The following PRORP variants were observed in gnomAD, a reference collection of about 807,000 sequenced individuals.
PRORP encodes protein only RNase P catalytic subunit.
Under a neutral mutation model 59.4 loss-of-function variants are expected in PRORP, and 51 were observed. The observed-to-expected ratio is 0.86, with a 90% CI of 0.69 to 1.08. The LOEUF (loss-of-function observed/expected upper bound fraction) is 1.08. Ranked by LOEUF, PRORP falls within the 50% of genes least tolerant of loss-of-function variation. The pLI is 0.00. For synonymous variants in PRORP, 231 were observed against 245.6 expected (o/e 0.94, Z 0.55); for missense variants, 646 against 690.3 (o/e 0.94, Z 0.72).
intron 4 of PRORP, among the ~76,000 whole-genome samples, chr14:35,180,358 CAT>C (rs2048572509): frequency 6.6e-6 from 1 of 152,190 alleles, no homozygotes; most frequent in African/African-American, 2.4e-5. Flanking sequence ...TCATAACTAT[CAT>C]GTGGGTTAAT....
At chr14:35,173,758 G>A (rs941320445) in intron 4 of PRORP, among the ~76,000 whole-genome samples, 5 of 151,978 alleles carry the variant, frequency 3.3e-5, no homozygotes, top group African/African-American at 9.6e-5. Flanking sequence ...TTAAAAAAAC[G>A]CAATCATTTA....
Position 35,273,296 on chromosome 14 carries a change from G to A in PRORP, c.1621-139G>A, listed in dbSNP as rs956134761. 4 of 791,330 alleles carry A rather than the reference G, an allele frequency of 5.1e-6. No individual in the cohort carries two copies. The Admixed American group carries it at 1.1e-4, about 22-fold the overall frequency. 49.0% of individuals were successfully genotyped at this position (791,330 alleles called of 1,614,324 possible). ...GCTCATCTTCACAGAGTTTGCTGCT[G>A]TTTGAAAATCCATTATTAAGTGAGA... is the stretch of plus-strand genomic sequence containing the variant. On this transcript the variant is annotated intron_variant, in intron 7 of 7. Coordinates refer to ENST00000534898, the MANE Select transcript of PRORP (RefSeq NM_014672.4).
At chr14:35,263,025 G>T (rs1327997603) in intron 5 of PRORP, 12 of 1,586,740 alleles carry the variant, frequency 7.6e-6, no homozygotes, top group Non-Finnish European at 9.4e-6. Context: ...TGTTCAGCCG[G>T]CTGATGAATA....
chr14:35,244,333 CATAAT>C (rs1266948610), intron 5 of PRORP, among the ~76,000 whole-genome samples: 3 of 152,086 alleles, frequency 2.0e-5, no homozygotes, highest in South Asian at 4.1e-4. Context: ...GTGTTACATA[CATAAT>C]ATGAGAGTTA....
chr14:35,186,911 T>A (rs188169251), intron 5 of PRORP, among the ~76,000 whole-genome samples: 1 of 152,294 alleles, frequency 6.6e-6, no homozygotes, highest in East Asian at 1.9e-4. Flanking sequence ...CTTTATGAAT[T>A]TACCTATTCC....
chr14:35,142,343 C>CTT (rs576082267), intron 4 of PRORP, among the ~76,000 whole-genome samples: 9 of 116,728 alleles, frequency 7.7e-5, no homozygotes, highest in South Asian at 2.9e-4. Flanking sequence ...AAATTCATTG[C>CTT]TTTTTTTTTT....
intron 5 of PRORP, among the ~76,000 whole-genome samples, chr14:35,232,731 G>A (rs1003182951): frequency 6.6e-6 from 1 of 151,968 alleles, no homozygotes; most frequent in African/African-American, 2.4e-5. Context: ...GGAGTGCAGT[G>A]GCATGATCTT....
At chr14:35,132,053 G>A (rs2047255458) in intron 4 of PRORP, among the ~76,000 whole-genome samples, 1 of 151,848 alleles carries the variant, frequency 6.6e-6, no homozygotes, top group African/African-American at 2.4e-5. Flanking sequence ...TGGCCAGGCT[G>A]GTCTCGAACT....
intron 4 of PRORP, among the ~76,000 whole-genome samples, chr14:35,168,544 A>G (rs2048240296): frequency 6.6e-6 from 1 of 151,960 alleles, no homozygotes; most frequent in African/African-American, 2.4e-5. Flanking sequence ...TTTAGTTGTC[A>G]TGTTTCTTTG....
chr14:35,236,569 ACT>A (rs1344849859), intron 5 of PRORP, among the ~76,000 whole-genome samples: 1 of 151,252 alleles, frequency 6.6e-6, no homozygotes, highest in Non-Finnish European at 1.5e-5. Context: ...AGTCTTTATC[ACT>A]CTTTTTCTGC....
intron 5 of PRORP, among the ~76,000 whole-genome samples, chr14:35,250,068 C>T (rs147512118): frequency 3.9e-4 from 59 of 151,830 alleles, no homozygotes; most frequent in Middle Eastern, 6.8e-3. Flanking sequence ...AACAACATGG[C>T]GAAACCCTGT....
At chr14:35,166,952 G>C (rs1457244556) in intron 4 of PRORP, among the ~76,000 whole-genome samples, 1 of 152,082 alleles carries the variant, frequency 6.6e-6, no homozygotes, top group Non-Finnish European at 1.5e-5. Context: ...GACTCATCAG[G>C]ATATTACTCC....
At chr14:35,144,446 G>A (rs2047558336) in intron 4 of PRORP, 1 of 146,212 alleles carries the variant, frequency 6.8e-6, no homozygotes, top group Non-Finnish European at 1.5e-5. Context: ...GGCTTTGGGA[G>A]GAGCAGGGAT....
At chr14:35,163,944 A>G (rs1264740281) in intron 4 of PRORP, among the ~76,000 whole-genome samples, 2 of 152,126 alleles carry the variant, frequency 1.3e-5, no homozygotes, top group East Asian at 3.8e-4. Flanking sequence ...GTTAATTTTG[A>G]TATGTGGTGA....
At chr14:35,268,743 C>T (rs1197917924) in intron 6 of PRORP, among the ~76,000 whole-genome samples, 1 of 152,014 alleles carries the variant, frequency 6.6e-6, no homozygotes, top group Admixed American at 6.6e-5. Context: ...TTACAGGCAC[C>T]CGCCACCATG....
chr14:35,241,018 A>G (rs765931174), intron 5 of PRORP, among the ~76,000 whole-genome samples: 2 of 152,226 alleles, frequency 1.3e-5, no homozygotes, highest in Non-Finnish European at 2.9e-5. Context: ...ATACAGTATA[A>G]CAACTACTTA....
Position 35,193,710 on chromosome 14 carries a change from C to T in PRORP, c.1275+12933C>T, listed in dbSNP as rs201055313. Reference sequence around the variant, plus strand: ...CATGCTTGAAATTATGTTTCAATAACGTTAAAGTGGGAAGGAAACTTAGAA... The same window carrying T: ...CATGCTTGAAATTATGTTTCAATAATGTTAAAGTGGGAAGGAAACTTAGAA... On this transcript the variant is annotated intron_variant, in intron 5 of 7. Coordinates refer to ENST00000534898, the MANE Select transcript of PRORP (RefSeq NM_014672.4). Among the ~76,000 whole-genome samples, 28 of 149,546 alleles carry T rather than the reference C, an allele frequency of 1.9e-4. 1 individual carries two copies. In the East Asian group the frequency reaches 2.8e-3, roughly 15 times the overall value.
intron 5 of PRORP, among the ~76,000 whole-genome samples, chr14:35,182,100 C>T (rs1344590617): frequency 6.7e-6 from 1 of 150,358 alleles, no homozygotes; most frequent in Non-Finnish European, 1.5e-5. Flanking sequence ...CCCATCTCTA[C>T]TAAAAATACA....
Position 35,270,516 on chromosome 14 carries a change from C to T in PRORP, c.1540C>T (p.Gln514Ter). 1 of 1,614,138 alleles carries T rather than the reference C, an allele frequency of 6.2e-7. No homozygotes were observed. Among genetic ancestry groups the T allele is most frequent in the South Asian group, 1.1e-5 (1 of 91,082 alleles). The change falls in exon 7 of 8, where the codon CAA (glutamine) becomes TAA (stop). Residue 514 changes from glutamine (Q) to a stop codon, truncating the protein, a stop_gained. Coordinates refer to ENST00000534898, the MANE Select transcript of PRORP (RefSeq NM_014672.4). LOFTEE classifies it high-confidence loss of function. ...HKACLPDAKT[Q>*]RLFFKWQQGH... is the part of the protein sequence containing the mutation. ...GGCCTGTCTGCCTGATGCCAAGACC[C>T]AACGCCTGTTTTTTAAGTGGCAGCA...
Sources: allele counts gnomAD v4.1 joint callset (sites outside exome capture counted in the v4.1 genomes callset), GRCh38; gene constraint gnomAD v4.1.1; transcripts MANE v1.5; gene names NCBI Gene and HGNC (gene_info 2026-07-23, HGNC 2026-07-21).